KIF26B: variants seen among roughly 807,000 people sequenced by gnomAD.
The protein encoded by KIF26B is kinesin-like protein KIF26B.
In KIF26B, 63 loss-of-function variants were observed where a neutral mutation model predicts 151.2. That is an observed-to-expected ratio of 0.42 (90% CI 0.34 to 0.51). The LOEUF (loss-of-function observed/expected upper bound fraction) is 0.51, where lower values mean the gene tolerates loss of function less well. Among genes scored for constraint, KIF26B ranks in the 20% least tolerant of loss-of-function variants. KIF26B has a pLI of 0.07. For synonymous variants in KIF26B, 1,357 were observed against 1,262.1 expected (o/e 1.08, Z -1.59); for missense variants, 2,813 against 2,913.6 (o/e 0.97, Z 0.79).
intron 2 of KIF26B, among the ~76,000 whole-genome samples, chr1:245,317,038 T>C (rs755655798): frequency 6.6e-5 from 10 of 152,198 alleles, no homozygotes; most frequent in Non-Finnish European, 1.2e-4. Flanking sequence ...CAGGGTTGAT[T>C]TGGATTTTCT....
At chr1:245,354,668 C>T (rs1572019390) in intron 2 of KIF26B, among the ~76,000 whole-genome samples, 1 of 152,178 alleles carries the variant, frequency 6.6e-6, no homozygotes, top group African/African-American at 2.4e-5. Context: ...TACACAGCCA[C>T]CACTTCTAAC....
chr1:245,562,041 C>G (rs186222792), intron 5 of KIF26B, among the ~76,000 whole-genome samples: 1 of 152,086 alleles, frequency 6.6e-6, no homozygotes, highest in African/African-American at 2.4e-5. Flanking sequence ...CCCAGATGAC[C>G]TGGGGGGCAT....
intron 2 of KIF26B, among the ~76,000 whole-genome samples, chr1:245,287,745 C>T (rs1030877904): frequency 2.0e-5 from 3 of 152,026 alleles, no homozygotes; most frequent in Non-Finnish European, 4.4e-5. Context: ...TCAGGTGATC[C>T]GCCTGCCCTG....
intron 2 of KIF26B, among the ~76,000 whole-genome samples, chr1:245,362,487 G>A (rs964934956): frequency 2.7e-5 from 4 of 150,516 alleles, no homozygotes; most frequent in Admixed American, 6.7e-5. Context: ...GCAGTGAGCC[G>A]AGATCGCACC....
At position 245,480,277 on chromosome 1, in the gene KIF26B, G is replaced by GC. The variant is rs1424652957; in HGVS notation, c.1167-60490_1167-60489insC. ...CTGAGCAACAAAGACCCTGTCTCGG[G>GC]GGGGAGGAAAGAAAAAAAACTGCCG... is the stretch of plus-strand genomic sequence containing the variant. On this transcript the variant is annotated intron_variant, in intron 4 of 14. Coordinates refer to ENST00000407071, the MANE Select transcript of KIF26B (RefSeq NM_018012.4). Among the ~76,000 whole-genome samples, 2 of 150,420 alleles carry GC rather than the reference G, an allele frequency of 1.3e-5. 1 individual carries two copies. The highest frequency in any genetic ancestry group is 3.0e-5 in the Non-Finnish European group (2 of 67,152).
At chr1:245,247,187 G>A (rs149058393) in intron 2 of KIF26B, among the ~76,000 whole-genome samples, 598 of 151,628 alleles carry the variant, frequency 3.9e-3, no homozygotes, top group Middle Eastern at 0.027. Context: ...ATGGTGGCTC[G>A]TGCCTGTAAT....
intron 2 of KIF26B, among the ~76,000 whole-genome samples, chr1:245,335,694 A>G (rs1337165281): frequency 1.3e-5 from 2 of 148,344 alleles, no homozygotes; most frequent in Non-Finnish European, 3.0e-5. Flanking sequence ...CCACGCGGGG[A>G]AAGAAGGGTC....
intron 2 of KIF26B, among the ~76,000 whole-genome samples, chr1:245,342,653 A>G (rs530375744): frequency 6.6e-6 from 1 of 152,260 alleles, no homozygotes; most frequent in Admixed American, 6.5e-5. Context: ...AGTCTGGTTT[A>G]CCAGAATTAG....
intron 2 of KIF26B, among the ~76,000 whole-genome samples, chr1:245,189,680 CTG>C (rs1669063031): frequency 6.6e-6 from 1 of 151,970 alleles, no homozygotes; most frequent in Admixed American, 6.5e-5. Context: ...TGCGCCTTCT[CTG>C]TGGCAGGGAG....
At chr1:245,422,995 A>G (rs1469050707) in intron 4 of KIF26B, among the ~76,000 whole-genome samples, 1 of 150,884 alleles carries the variant, frequency 6.6e-6, no homozygotes, top group Non-Finnish European at 1.5e-5. Context: ...GCTACTTGGG[A>G]GGCTAAGACA....
intron 4 of KIF26B, among the ~76,000 whole-genome samples, chr1:245,479,226 C>A (rs1427208632): frequency 3.3e-5 from 5 of 151,812 alleles, no homozygotes; most frequent in African/African-American, 1.2e-4. Context: ...ATTCAAAGGA[C>A]AAAACAACAT....
chr1:245,378,073 T>TG (rs1308136670), intron 3 of KIF26B, among the ~76,000 whole-genome samples: 1 of 152,204 alleles, frequency 6.6e-6, no homozygotes, highest in East Asian at 1.9e-4. Flanking sequence ...CAGCACCTCT[T>TG]GGGCCACCAC....
rs150370106 is a variant in KIF26B, at chr1:245,483,807, G to A, written c.1167-56960G>A. Among the ~76,000 whole-genome samples the A allele has an allele frequency of 4.4e-3, 662 of 151,950 alleles. 7 individuals are homozygous for A. Among genetic ancestry groups the A allele is most frequent in the African/African-American group, 0.015 (611 of 41,534 alleles). On this transcript the variant is annotated intron_variant, in intron 4 of 14. Coordinates refer to ENST00000407071, the MANE Select transcript of KIF26B (RefSeq NM_018012.4). Reference sequence around the variant, plus strand: ...AACCTCCAAGCTCTAATCTTACAGGGCGACTACTTGGGAATCAATCGGGAA... The same window carrying A: ...AACCTCCAAGCTCTAATCTTACAGGACGACTACTTGGGAATCAATCGGGAA...
chr1:245,511,217 T>G lies in KIF26B; in HGVS notation c.1167-29550T>G, dbSNP rs1037173963. The G allele has an allele frequency of 4.4e-6, 3 of 683,472 alleles. No homozygotes were observed. In the African/African-American group the frequency reaches 5.5e-5, roughly 12 times the overall value. 42.3% of individuals were successfully genotyped at this position (683,472 alleles called of 1,614,324 possible). On this transcript the variant is annotated intron_variant, in intron 4 of 14. Transcript: ENST00000407071. ...TACTTTAACTTTTTCAGTTTCCTTT[T>G]GAGAAAAGTAAAAATAAAATGCATA...
rs143587578 is a variant in KIF26B, at chr1:245,307,230, T to C, written c.466-59604T>C. Among the ~76,000 whole-genome samples, 536 of 152,292 alleles carry C rather than the reference T, an allele frequency of 3.5e-3. 2 individuals carry two copies. The highest frequency in any genetic ancestry group is 0.012 in the African/African-American group (507 of 41,568). The stretch of plus-strand genomic sequence containing the variant: ...GTTGTCTTTGAAGAGATTGGCAGCG[T>C]TTCATAGTTGTAAACAAAACCGTCT... On this transcript the variant is annotated intron_variant, in intron 2 of 14. Coordinates refer to ENST00000407071, the MANE Select transcript of KIF26B (RefSeq NM_018012.4).
At chr1:245,177,975 G>A (rs768983426) in intron 2 of KIF26B, among the ~76,000 whole-genome samples, 9 of 152,172 alleles carry the variant, frequency 5.9e-5, no homozygotes, top group East Asian at 1.9e-4. Context: ...TAGCCTCCAC[G>A]TAGGAAAGGT....
At position 245,579,788 on chromosome 1, in the gene KIF26B, C is replaced by T. The variant is rs867768214; in HGVS notation, c.1351-22789C>T. Reference sequence around the variant, plus strand: ...ACTTGAACCTGGAAGGTGGAGGTTGCGGTGAGCCGAGATTGCGCCATTGCA... The same window carrying T: ...ACTTGAACCTGGAAGGTGGAGGTTGTGGTGAGCCGAGATTGCGCCATTGCA... On this transcript the variant is annotated intron_variant, in intron 5 of 14. Coordinates refer to ENST00000407071, the MANE Select transcript of KIF26B (RefSeq NM_018012.4). Among the ~76,000 whole-genome samples, 117 of 151,106 alleles carry T rather than the reference C, an allele frequency of 7.7e-4. 1 individual carries two copies. The highest frequency in any genetic ancestry group is 2.3e-3 in the African/African-American group (93 of 41,106).
At chr1:245,568,446 G>A (rs545273028) in intron 5 of KIF26B, among the ~76,000 whole-genome samples, 1 of 152,026 alleles carries the variant, frequency 6.6e-6, no homozygotes, top group South Asian at 2.1e-4. Flanking sequence ...GGAGGTTGAG[G>A]CTGCAGTGAG....
rs34022501 is a variant in KIF26B at position 245,619,603 on chromosome 1, C to CAAAAAAAAAAAAA, written c.2098+7634_2098+7646dup. On this transcript the variant is annotated intron_variant, in intron 9 of 14. Coordinates refer to ENST00000407071, the MANE Select transcript of KIF26B (RefSeq NM_018012.4). ...CCTGGGCAATAGAGGGAAACTGTTTCAAAAAAAAAAAAAAAAAAAGAATCT... is the reference window on the plus strand; with the variant it reads ...CCTGGGCAATAGAGGGAAACTGTTTCAAAAAAAAAAAAAAAAAAAAAAAAAAAAAAAAGAATCT... 7.2e-3 allele frequency among the ~76,000 whole-genome samples: 791 copies of CAAAAAAAAAAAAA among 110,614 alleles called. 4 individuals are homozygous for CAAAAAAAAAAAAA. Among genetic ancestry groups the CAAAAAAAAAAAAA allele is most frequent in the Admixed American group, 0.014 (137 of 9,594 alleles). 72.6% of individuals were successfully genotyped at this position (110,614 alleles called of 152,430 possible). A position where few individuals can be genotyped will look rare whatever the true frequency, so the allele number is the denominator to read the frequency against.
Sources: allele counts gnomAD v4.1 joint callset (sites outside exome capture counted in the v4.1 genomes callset), GRCh38; gene constraint gnomAD v4.1.1; transcripts MANE v1.5; gene names NCBI Gene and HGNC (gene_info 2026-07-23, HGNC 2026-07-21).